MYRIP: variants seen among roughly 807,000 people sequenced by gnomAD.
MYRIP encodes rab effector MyRIP.
MYRIP carries 49 observed loss-of-function variants against 98.0 expected under a neutral mutation model. That is an observed-to-expected ratio of 0.50 (90% confidence interval 0.40 to 0.63). The LOEUF is 0.63. Among genes scored for constraint, MYRIP ranks in the 30% least tolerant of loss-of-function variants. The pLI is 0.00. For synonymous variants in MYRIP, 404 were observed against 409.5 expected (o/e 0.99, Z 0.16); for missense variants, 1,004 against 1,058.2 (o/e 0.95, Z 0.71).
intron 2 of MYRIP, among the ~76,000 whole-genome samples, chr3:39,996,356 A>G (rs113131531): frequency 0.027 from 4,147 of 152,256 alleles, 187 homozygotes; most frequent in African/African-American, 0.094. Flanking sequence ...AGCAAATGGA[A>G]AACAAAAAAA....
At chr3:39,847,710 G>A (rs1942009403) in intron 1 of MYRIP, among the ~76,000 whole-genome samples, 1 of 152,126 alleles carries the variant, frequency 6.6e-6, no homozygotes, top group Admixed American at 6.6e-5. Context: ...CTCATCTACT[G>A]TATTTCTGGA....
chr3:40,049,273 G>A (rs760338225), intron 3 of MYRIP, among the ~76,000 whole-genome samples: 1 of 152,114 alleles, frequency 6.6e-6, no homozygotes, highest in Non-Finnish European at 1.5e-5. Context: ...CATTGAGCAA[G>A]TCTGTCGAGG....
At chr3:39,999,094 A>T (rs1035314719) in intron 2 of MYRIP, among the ~76,000 whole-genome samples, 16 of 152,314 alleles carry the variant, frequency 1.1e-4, no homozygotes, top group Middle Eastern at 6.8e-3. Flanking sequence ...AACCTAGGCA[A>T]TACCATTCAG....
At chr3:39,914,633 A>G (rs1944111005) in intron 2 of MYRIP, among the ~76,000 whole-genome samples, 1 of 152,104 alleles carries the variant, frequency 6.6e-6, no homozygotes, top group African/African-American at 2.4e-5. Context: ...TTAAGTATAG[A>G]ACTCCAAAAT....
At chr3:39,900,958 G>T (rs770824716) in intron 2 of MYRIP, 32 bp downstream of exon 2, 1 of 1,533,434 alleles carries the variant, frequency 6.5e-7, no homozygotes. Flanking sequence ...GCAGCGTACA[G>T]CAAACCACAT....
chr3:39,988,693 G>A (rs2125768966), intron 2 of MYRIP, among the ~76,000 whole-genome samples: 1 of 151,776 alleles, frequency 6.6e-6, no homozygotes, highest in South Asian at 2.1e-4. Context: ...ATATTTCTCG[G>A]AGGTTTTGCT....
intron 10 of MYRIP, among the ~76,000 whole-genome samples, chr3:40,204,237 T>TTATATATTATATATAAATTTTC: frequency 1.6e-5 from 1 of 63,580 alleles, no homozygotes; most frequent in Non-Finnish European, 2.6e-5. Context: ...ATATATATAT[T>TTATATATTATATATAAATTTTC]TTTTTTTTTT....
intron 2 of MYRIP, among the ~76,000 whole-genome samples, chr3:39,928,273 A>T (rs1392856038): frequency 6.9e-6 from 1 of 145,156 alleles, no homozygotes; most frequent in Non-Finnish European, 1.5e-5. Flanking sequence ...AAACCAATTT[A>T]CATAATCTTG....
chr3:39,996,012 T>C (rs1179196103), intron 2 of MYRIP, among the ~76,000 whole-genome samples: 5 of 152,106 alleles, frequency 3.3e-5, no homozygotes, highest in Non-Finnish European at 7.3e-5. Flanking sequence ...AGGCCTGCCA[T>C]ACAAGAGCTC....
chr3:40,023,319 T>C (rs990532172), intron 2 of MYRIP, among the ~76,000 whole-genome samples: 5 of 152,174 alleles, frequency 3.3e-5, no homozygotes, highest in Admixed American at 2.6e-4. Context: ...ACCATCTAAA[T>C]ATTTCATACA....
At chr3:40,038,003 C>T (rs79347737) in intron 2 of MYRIP, among the ~76,000 whole-genome samples, 4,153 of 151,974 alleles carry the variant, frequency 0.027, 114 homozygotes, top group African/African-American at 0.071. Context: ...TGTTATCAGT[C>T]GGTAGAGAAT....
chr3:39,940,314 T>G (rs1944755948), intron 2 of MYRIP, among the ~76,000 whole-genome samples: 2 of 152,160 alleles, frequency 1.3e-5, no homozygotes, highest in Non-Finnish European at 2.9e-5. Context: ...AGGTAATGTC[T>G]GAAATTTTAG....
At chr3:39,814,366 T>A (rs1447979083) in intron 1 of MYRIP, among the ~76,000 whole-genome samples, 2 of 152,220 alleles carry the variant, frequency 1.3e-5, no homozygotes, top group African/African-American at 4.8e-5. Flanking sequence ...ATTATCTTTT[T>A]AATATATAGT....
At chr3:40,238,792 G>A (rs1952902496) in intron 12 of MYRIP, 1 of 152,122 alleles carries the variant, frequency 6.6e-6, no homozygotes, top group Admixed American at 6.5e-5. Flanking sequence ...ACTTCTGAAG[G>A]TTTCAGAGCT....
chr3:40,100,886 G>A (rs915812934), intron 3 of MYRIP, among the ~76,000 whole-genome samples: 5 of 152,106 alleles, frequency 3.3e-5, no homozygotes, highest in South Asian at 2.1e-4. Flanking sequence ...AGCTAAAAAC[G>A]AAGTCCTTGG....
chr3:40,140,840 T>A (rs1949877129), intron 3 of MYRIP, among the ~76,000 whole-genome samples: 1 of 152,318 alleles, frequency 6.6e-6, no homozygotes, highest in East Asian at 1.9e-4. Flanking sequence ...AGGCAGGCAG[T>A]GCATAATAAT....
intron 4 of MYRIP, among the ~76,000 whole-genome samples, chr3:40,158,809 G>C (rs1460974938): frequency 2.7e-5 from 4 of 145,906 alleles, no homozygotes; most frequent in African/African-American, 1.1e-4. Flanking sequence ...TCAGAGACTA[G>C]CATTGCAACC....
intron 3 of MYRIP, among the ~76,000 whole-genome samples, chr3:40,115,607 A>T (rs999437770): frequency 6.6e-6 from 1 of 152,226 alleles, no homozygotes; most frequent in Non-Finnish European, 1.5e-5. Context: ...GAGGATACAG[A>T]GCCAAACCAC....
At chr3:39,983,307 A>G (rs1349233522) in intron 2 of MYRIP, among the ~76,000 whole-genome samples, 1 of 152,176 alleles carries the variant, frequency 6.6e-6, no homozygotes, top group Non-Finnish European at 1.5e-5. Flanking sequence ...AACAACACAA[A>G]AGGTAATAGT....
Sources: gnomAD v4.1 joint callset for allele counts (sites outside exome capture counted in the v4.1 genomes callset) on GRCh38, gnomAD v4.1.1 for gene constraint, MANE v1.5 for transcripts, NCBI Gene and HGNC (gene_info 2026-07-23, HGNC 2026-07-21) for gene names.